The following TTLL8 variants were observed in gnomAD, a reference collection of about 807,000 sequenced individuals.
TTLL8 encodes tubulin tyrosine ligase like 8.
TTLL8 carries 65 observed loss-of-function variants against 77.8 expected under a neutral mutation model. The ratio of observed to expected loss-of-function variants is 0.84; its 90% confidence interval spans 0.68 to 1.03. The LOEUF is 1.03. Ranked by LOEUF, TTLL8 falls within the 50% of genes least tolerant of loss-of-function variation. The probability of loss-of-function intolerance (pLI) is 0.00; values close to 1 mark genes in which losing one functional copy is unlikely to be tolerated. For synonymous variants in TTLL8, 402 were observed against 422.8 expected (o/e 0.95, Z 0.60); for missense variants, 910 against 1,004.5 (o/e 0.91, Z 1.27).
chr22:50,028,706 GAAGACCCCACACACC>G (rs1569221292), intron 12 of TTLL8, among the ~76,000 whole-genome samples: 16 of 30,598 alleles, frequency 5.2e-4, no homozygotes, highest in South Asian at 5.5e-3. Context: ...ACACCATCCT[GAAGACCCCACACACC>G]CTCGTAAAGA....
Position 50,026,860 on chromosome 22 carries a change from C to G in TTLL8, c.2203+3570G>C, listed in dbSNP as rs535770616. Among the ~76,000 whole-genome samples the G allele has an allele frequency of 2.0e-5, 3 of 152,288 alleles. No individual in the cohort carries two copies. The East Asian group carries it at 5.8e-4, about 29-fold the overall frequency. On this transcript the variant is annotated intron_variant, in intron 12 of 13. Coordinates refer to ENST00000266182, the Ensembl canonical transcript of TTLL8. ...TGACATGCCAGACTTGCCAGACCTT[C>G]TATCCTGAAAACCACTGAGGAAAGT...
At chr22:50,037,355 G>A (rs1009364154) in intron 8 of TTLL8, among the ~76,000 whole-genome samples, 15 of 152,016 alleles carry the variant, frequency 9.9e-5, no homozygotes, top group African/African-American at 2.9e-4. Context: ...CTACAGGCAC[G>A]CACCACCGCG....
At chr22:50,030,064 C>G (rs1011621901) in intron 12 of TTLL8, 36 of 744,288 alleles carry the variant, frequency 4.8e-5, no homozygotes, top group African/African-American at 5.7e-5. Flanking sequence ...GCCCCTCGCT[C>G]GGCCAGGGAG....
intron 10 of TTLL8, among the ~76,000 whole-genome samples, chr22:50,032,910 C>G (rs1447083877): frequency 6.6e-6 from 1 of 152,274 alleles, no homozygotes; most frequent in African/African-American, 2.4e-5. Flanking sequence ...GTGCTGCCCA[C>G]ACCATTCCAA....
chr22:50,032,999 G>T, intron 10 of TTLL8: 1 of 319,676 alleles, frequency 3.1e-6, no homozygotes, highest in Non-Finnish European at 4.5e-6. Flanking sequence ...TAGGGCGCTG[G>T]CTTTGAAGGC....
rs370930731 is a variant in TTLL8 at position 50,048,329 on chromosome 22, G to C, written c.264+920C>G. On this transcript the variant is annotated intron_variant, in intron 3 of 13. Coordinates refer to ENST00000266182, the Ensembl canonical transcript of TTLL8. The stretch of plus-strand genomic sequence containing the variant: ...GCATGTGCTACAATCCTCATCCCCA[G>C]GGCGATGGCATAGGAGGCTTTAGGA... 2.5e-4 allele frequency among the ~76,000 whole-genome samples: 38 copies of C among 152,234 alleles called. No homozygotes were observed. The South Asian group carries it at 7.5e-3, about 30-fold the overall frequency.
chr22:50,056,813 T>C, upstream of TTLL8: 1 of 1,289,618 alleles, frequency 7.8e-7, no homozygotes, highest in South Asian at 1.2e-5. The surrounding 1 kb of genome is among the most constrained non-coding windows in gnomAD (Gnocchi z 4.1). Flanking sequence ...GCACTGCCTC[T>C]GAGCCCGGGC....
At chr22:50,032,064 A>G (rs770118137) in exon 11 of TTLL8, 1 of 1,365,076 alleles carries the variant, frequency 7.3e-7, no homozygotes, top group Non-Finnish European at 9.8e-7. Flanking sequence ...GGCCCACATC[A>G]TTCTTCAGGT....
rs2061318254 is a variant in TTLL8 at position 50,034,096 on chromosome 22, G to A, written c.1039+249C>T. On this transcript the variant is annotated intron_variant, in intron 9 of 13. Coordinates refer to ENST00000266182, the Ensembl canonical transcript of TTLL8. The surrounding 1 kb of genome is among the most constrained non-coding windows in gnomAD (Gnocchi z 4.1). ...AAAAGGAAAGCATAGACCAGTTTGTGAATACAAAGGAGGAAATCCTGATTA... is the reference window on the plus strand; with the variant it reads ...AAAAGGAAAGCATAGACCAGTTTGTAAATACAAAGGAGGAAATCCTGATTA... Among the ~76,000 whole-genome samples, 6 of 152,214 alleles carry A rather than the reference G, an allele frequency of 3.9e-5. No individual in the cohort carries two copies. Among genetic ancestry groups the A allele is most frequent in the Admixed American group, 3.9e-4 (6 of 15,286 alleles).
At chr22:50,038,996 G>A (rs927965795) in intron 8 of TTLL8, among the ~76,000 whole-genome samples, 3 of 152,034 alleles carry the variant, frequency 2.0e-5, no homozygotes, top group African/African-American at 4.8e-5. Flanking sequence ...TGCATTCTTG[G>A]AATAAAGCCC....
intron 8 of TTLL8, among the ~76,000 whole-genome samples, chr22:50,036,112 C>A (rs541109856): frequency 1.6e-4 from 25 of 152,344 alleles, no homozygotes; most frequent in African/African-American, 5.3e-4. Context: ...GGGGCCACAG[C>A]CAGGGCTCTC....
In TTLL8 at chr22:50,054,116, G is replaced by A. The variant is rs116079464; in HGVS notation, c.51+460C>T. 3.3e-3 allele frequency among the ~76,000 whole-genome samples: 503 copies of A among 152,334 alleles called. 3 individuals carry two copies. The highest frequency in any genetic ancestry group is 0.011 in the African/African-American group (466 of 41,558). ...TTTCAGTGTGTGCTGTACCTCAGAG[G>A]GGAGTTAAGGGAATGCAGATGTTTT... On this transcript the variant is annotated intron_variant, in intron 1 of 13. Transcript: ENST00000266182.
intron 8 of TTLL8, among the ~76,000 whole-genome samples, chr22:50,036,219 C>T (rs866388294): frequency 8.3e-4 from 127 of 152,330 alleles, no homozygotes; most frequent in African/African-American, 1.5e-3. Flanking sequence ...CAGAGAGACC[C>T]CCTCCGGCAG....
At chr22:50,035,652 T>G (rs2061331051) in intron 8 of TTLL8, among the ~76,000 whole-genome samples, 1 of 152,174 alleles carries the variant, frequency 6.6e-6, no homozygotes, top group African/African-American at 2.4e-5. Flanking sequence ...CCCGCGCCCC[T>G]GAAGCAGCCT....
chr22:50,051,060 T>C (rs1477913321), intron 1 of TTLL8, among the ~76,000 whole-genome samples: 2 of 152,148 alleles, frequency 1.3e-5, no homozygotes, highest in African/African-American at 4.8e-5. Context: ...TGGGGTTTCA[T>C]CATGTTGGCC....
chr22:50,055,473 G>A (rs1481367707), upstream of TTLL8: 1 of 386,334 alleles, frequency 2.6e-6, no homozygotes, highest in Non-Finnish European at 4.6e-6. Context: ...GGCCAACATG[G>A]TGAAACCCTG....
rs184933196 is a variant in TTLL8 at position 50,039,398 on chromosome 22, G to T, written c.921+1789C>A. Among the ~76,000 whole-genome samples the T allele has an allele frequency of 1.4e-4, 21 of 152,288 alleles. 1 individual carries two copies. Among genetic ancestry groups the T allele is most frequent in the Non-Finnish European group, 2.4e-4 (16 of 68,022 alleles). On this transcript the variant is annotated intron_variant, in intron 8 of 13. Coordinates refer to ENST00000266182, the Ensembl canonical transcript of TTLL8. ...ATGTAACTGGAGCCCTGGAAGGAGA[G>T]AAGAGAGAACAGGGAAGAAGGAACA...
chr22:50,019,588 C>CA (rs1226141001), intron 12 of TTLL8, among the ~76,000 whole-genome samples: 1 of 152,152 alleles, frequency 6.6e-6, no homozygotes, highest in Non-Finnish European at 1.5e-5. Context: ...GTGGAAGGTC[C>CA]ACGTGGGAGG....
chr22:50,054,874 A>G (rs1015267205), upstream of TTLL8, among the ~76,000 whole-genome samples: 1 of 152,204 alleles, frequency 6.6e-6, no homozygotes, highest in Non-Finnish European at 1.5e-5. Context: ...CCTGGCCAAC[A>G]TAGTGAAACC....
Sources: allele counts gnomAD v4.1 joint callset (sites outside exome capture counted in the v4.1 genomes callset), GRCh38; gene constraint gnomAD v4.1.1; non-coding constraint Gnocchi (gnomAD v3.1); transcripts MANE v1.5; gene names NCBI Gene and HGNC (gene_info 2026-07-23, HGNC 2026-07-21).